HSP90AA1: variants seen among roughly 807,000 people sequenced by gnomAD.
HSP90AA1 encodes the protein heat shock protein 90 alpha family class A member 1.
A neutral mutation model predicts 73.3 loss-of-function variants in HSP90AA1; 18 were observed. The observed-to-expected ratio is 0.25, with a 90% CI of 0.17 to 0.36. The LOEUF (loss-of-function observed/expected upper bound fraction) is 0.36. HSP90AA1 is among the 10% of genes least tolerant of loss of function. The probability of loss-of-function intolerance (pLI) is 1.00; values close to 1 mark genes in which losing one functional copy is unlikely to be tolerated. For synonymous variants in HSP90AA1, 477 were observed against 296.9 expected, an observed-to-expected ratio of 1.61 and a Z score of -6.24; for missense variants, 704 against 874.2, an observed-to-expected ratio of 0.81 and a Z score of 2.45.
At chr14:102,123,669 T>C (rs757441622) in intron 1 of HSP90AA1, among the ~76,000 whole-genome samples, 4 of 152,068 alleles carry the variant, frequency 2.6e-5, no homozygotes, top group Non-Finnish European at 5.9e-5. Context: ...AGCCACTATG[T>C]CCAGATAGTT....
At chr14:102,108,498 C>T (rs1328113740) in intron 1 of HSP90AA1, among the ~76,000 whole-genome samples, 2 of 146,570 alleles carry the variant, frequency 1.4e-5, no homozygotes, top group Non-Finnish European at 1.5e-5. Flanking sequence ...CTTTTAACTT[C>T]TCTTTTCTAA....
At chr14:102,132,997 G>A (rs1384762086) in intron 1 of HSP90AA1, among the ~76,000 whole-genome samples, 6 of 151,202 alleles carry the variant, frequency 4.0e-5, no homozygotes, top group South Asian at 4.2e-4. Context: ...CGGTGGGGGC[G>A]GGCTGGGCGC....
At chr14:102,089,721 G>T (rs2049327933), upstream of HSP90AA1, among the ~76,000 whole-genome samples, 1 of 152,104 alleles carries the variant, frequency 6.6e-6, no homozygotes, top group South Asian at 2.1e-4. Context: ...CCCTCTTTGA[G>T]GGCTCGTTAG....
At chr14:102,097,322 TA>T (rs5811055) in intron 2 of HSP90AA1, among the ~76,000 whole-genome samples, 3,214 of 143,276 alleles carry the variant, frequency 0.022, 99 homozygotes, top group African/African-American at 0.074. Context: ...AATGGAGGGT[TA>T]AAAAAAAAAA....
Position 102,125,094 on chromosome 14 carries a change from C to T in HSP90AA1, c.155+14156G>A, listed in dbSNP as rs900064859. Among the ~76,000 whole-genome samples the T allele has an allele frequency of 4.6e-5, 7 of 152,124 alleles. 1 individual carries two copies. Among genetic ancestry groups the T allele is most frequent in the South Asian group, 4.1e-4 (2 of 4,822 alleles). The stretch of plus-strand genomic sequence containing the variant: ...GAAGCCTCAAACTCCTGGGTTCAAG[C>T]GATCCTCCCATCTCAGCCTCCCAAG... On this transcript the variant is annotated intron_variant, in intron 1 of 11. Coordinates refer to the HSP90AA1 transcript ENST00000334701.
chr14:102,103,784 A>G (rs2049526936), intron 1 of HSP90AA1, among the ~76,000 whole-genome samples: 1 of 151,860 alleles, frequency 6.6e-6, no homozygotes, highest in African/African-American at 2.4e-5. Context: ...AGCCTGGGCA[A>G]CAAAAGCAAA....
chr14:102,129,158 A>G (rs1181315634), intron 1 of HSP90AA1, among the ~76,000 whole-genome samples: 2 of 117,944 alleles, frequency 1.7e-5, no homozygotes, highest in Non-Finnish European at 3.3e-5. Context: ...TTTTTTTGAG[A>G]CGGAGTCTCA....
At chr14:102,127,545 C>T (rs1258544564) in intron 1 of HSP90AA1, among the ~76,000 whole-genome samples, 1 of 152,134 alleles carries the variant, frequency 6.6e-6, no homozygotes, top group Non-Finnish European at 1.5e-5. Flanking sequence ...TAAAATAGCA[C>T]ACATGGAGTT....
At position 102,085,009 on chromosome 14, in the gene HSP90AA1, A is replaced by C; in HGVS notation, c.664-11T>G. On this transcript the variant is annotated splice_polypyrimidine_tract_variant and intron_variant, in intron 4 of 10. Coordinates refer to ENST00000216281, the MANE Select transcript of HSP90AA1 (RefSeq NM_005348.4). ...ACGTTCCTTCTCCACCTTCAAAAGA[A>C]AACACGAAATCACATCACTGCTGCA... 6.2e-7 allele frequency: 1 copy of C among 1,614,000 alleles called. No individual in the cohort carries two copies. Among genetic ancestry groups the C allele is most frequent in the East Asian group, 2.2e-5 (1 of 44,880 alleles).
chr14:102,094,634 G>A (rs949616197), intron 2 of HSP90AA1, among the ~76,000 whole-genome samples: 1 of 152,120 alleles, frequency 6.6e-6, no homozygotes, highest in African/African-American at 2.4e-5. Context: ...GGAACAGTGA[G>A]AAGGCAAGAA....
chr14:102,117,806 C>T (rs1048604128), intron 1 of HSP90AA1, among the ~76,000 whole-genome samples: 2 of 152,154 alleles, frequency 1.3e-5, no homozygotes, highest in African/African-American at 4.8e-5. Context: ...AGCTGTGGCC[C>T]TTTGGGAAGC....
intron 9 of HSP90AA1, chr14:102,082,811 T>A (rs2049129443): frequency 1.8e-6 from 1 of 557,974 alleles, no homozygotes; most frequent in African/African-American, 1.9e-5. Flanking sequence ...TAGTAGAGAC[T>A]GAGTTTCACC....
rs776547407 is a variant in HSP90AA1, at chr14:102,086,356, T to C, written c.23A>G (p.Gln8Arg). The change falls in exon 2 of 11, where the codon CAA becomes CGA. Residue 8 changes from glutamine (Q) to arginine (R), a missense_variant. Physicochemically the swap from Gln to Arg is conservative, Grantham distance 43. Transcript: ENST00000216281. Reference protein sequence around the residue: MPEETQTQDQPMEEEEVE... With the variant: MPEETQTRDQPMEEEEVE... ...CTCCTCCTCCTCCATCGGTTGGTCT[T>C]GGGTCTGGGTTTCCTCAGGCATCTG... 27 of 1,614,042 alleles carry C rather than the reference T, an allele frequency of 1.7e-5. No individual in the cohort carries two copies. The Admixed American group carries it at 1.8e-4, about 11-fold the overall frequency.
chr14:102,112,450 G>A (rs1343034587), intron 1 of HSP90AA1, among the ~76,000 whole-genome samples: 7 of 151,784 alleles, frequency 4.6e-5, no homozygotes, highest in Non-Finnish European at 5.9e-5. Context: ...CTGGGGTTAC[G>A]GGCGTGAGCC....
At chr14:102,136,801 T>C (rs2050004275) in intron 1 of HSP90AA1, among the ~76,000 whole-genome samples, 1 of 149,556 alleles carries the variant, frequency 6.7e-6, no homozygotes, top group African/African-American at 2.5e-5. Flanking sequence ...GGCAGGAGAA[T>C]CGTTTGAATC....
chr14:102,117,142 G>C (rs913825867), intron 1 of HSP90AA1, among the ~76,000 whole-genome samples: 2 of 152,178 alleles, frequency 1.3e-5, no homozygotes, highest in Non-Finnish European at 2.9e-5. Context: ...GAGACGCCAA[G>C]GGGGGTGCTA....
intron 1 of HSP90AA1, among the ~76,000 whole-genome samples, chr14:102,116,025 C>T (rs2049701792): frequency 6.7e-6 from 1 of 148,806 alleles, no homozygotes; most frequent in Non-Finnish European, 1.5e-5. Context: ...CATCTCGTCT[C>T]ACTGCAAGCT....
intron 1 of HSP90AA1, among the ~76,000 whole-genome samples, chr14:102,121,030 C>T (rs1198061967): frequency 2.0e-5 from 3 of 151,182 alleles, no homozygotes; most frequent in African/African-American, 4.9e-5. Flanking sequence ...CATACACACA[C>T]ACACACACAC....
chr14:102,081,197 T>C lies in HSP90AA1; in HGVS notation c.*515A>G. ...TAACTTTGCTCCTCCAAACAATACT[T>C]TTCTTTGGAAAACAAGCCCTGTGGA... is the stretch of plus-strand genomic sequence containing the variant. On this transcript the variant is annotated 3_prime_UTR_variant, in exon 11 of 11. Transcript: ENST00000216281. 4.2e-6 allele frequency: 1 copy of C among 236,672 alleles called. No homozygotes were observed. The highest frequency in any genetic ancestry group is 6.2e-5 in the East Asian group (1 of 16,106). The allele number at this position is 236,672 out of a possible 1,614,324, so 14.7% of individuals were successfully genotyped here.
Sources: allele counts gnomAD v4.1 joint callset (sites outside exome capture counted in the v4.1 genomes callset), GRCh38; gene constraint gnomAD v4.1.1; transcripts MANE v1.5; gene names NCBI Gene and HGNC (gene_info 2026-07-23, HGNC 2026-07-21).